Variants in CLIP2 observed in about 807,000 individuals in gnomAD.
CLIP2 encodes CAP-Gly domain containing linker protein 2.
A neutral mutation model predicts 111.7 loss-of-function variants in CLIP2; 41 were observed. That is an observed-to-expected ratio of 0.37 (90% CI 0.29 to 0.48). The LOEUF is 0.48. Ranked by LOEUF, CLIP2 falls within the 20% of genes least tolerant of loss-of-function variation. The pLI, the probability that CLIP2 is intolerant of heterozygous loss-of-function variation, is 0.99. For synonymous variants in CLIP2, 660 were observed against 644.2 expected, an observed-to-expected ratio of 1.02 and a Z score of -0.37; for missense variants, 1,160 against 1,422.1, an observed-to-expected ratio of 0.82 and a Z score of 2.96.
chr7:74,376,831 C>T lies in CLIP2; in HGVS notation c.2421+9C>T, dbSNP rs782059983. Reference sequence around the variant, plus strand: ...CCTCCCAGCACACCCACGTAGGCGCCTGCCCCTCCTGCTGGGGCGGGAGGG... The same window carrying T: ...CCTCCCAGCACACCCACGTAGGCGCTTGCCCCTCCTGCTGGGGCGGGAGGG... On this transcript the variant is annotated intron_variant, in intron 10 of 16. Coordinates refer to ENST00000223398, the MANE Select transcript of CLIP2 (RefSeq NM_003388.5). This position sits in a 1 kb window ranked among gnomAD's most constrained non-coding sequence, Gnocchi z 7.1. 4 of 1,559,278 alleles carry T rather than the reference C, an allele frequency of 2.6e-6. No individual in the cohort carries two copies. The African/African-American group carries it at 5.4e-5, about 21-fold the overall frequency.
chr7:74,365,256 A>AC (rs1439146738), intron 8 of CLIP2, among the ~76,000 whole-genome samples: 3 of 151,210 alleles, frequency 2.0e-5, no homozygotes, highest in East Asian at 3.9e-4. Flanking sequence ...AGGAACAGAG[A>AC]CCCCCCTGTG....
chr7:74,313,599 AGGCTCAGCTGGATCTAGGCCCTCCTCGG>A (rs1239369195), intron 1 of CLIP2, among the ~76,000 whole-genome samples: 3 of 150,036 alleles, frequency 2.0e-5, no homozygotes, highest in African/African-American at 4.9e-5. Flanking sequence ...GGCCAGCTTC[AGGCTCAGCTGGATCTAGGCCCTCCTCGG>A]GACTCAGCTG....
At chr7:74,330,127 CTA>C (rs1554731091) in intron 2 of CLIP2, among the ~76,000 whole-genome samples, 1 of 151,550 alleles carries the variant, frequency 6.6e-6, no homozygotes, top group Admixed American at 6.6e-5. Context: ...TGAGATCTCT[CTA>C]TGTTGCCCAG....
chr7:74,292,943 G>A (rs1197698856), intron 1 of CLIP2, among the ~76,000 whole-genome samples: 1 of 152,158 alleles, frequency 6.6e-6, no homozygotes, highest in Non-Finnish European at 1.5e-5. Context: ...CAGGTGCAAA[G>A]TCCAAACACG....
rs545533880 is a variant in CLIP2, at chr7:74,372,407, G to T, written c.1381-525G>T. ...TGCACTTTTAGCACAGGCCTTGGGGGGGGGGGGGAGTCGAGCGGGAATCCC... is the reference window on the plus strand; with the variant it reads ...TGCACTTTTAGCACAGGCCTTGGGGTGGGGGGGGAGTCGAGCGGGAATCCC... On this transcript the variant is annotated intron_variant, in intron 8 of 16. Transcript: ENST00000223398. Among the ~76,000 whole-genome samples the T allele has an allele frequency of 4.9e-4, 73 of 149,050 alleles. 6 individuals are homozygous for T. The highest frequency in any genetic ancestry group is 4.4e-3 in the East Asian group (22 of 5,038).
In CLIP2 at chr7:74,403,230, AAAGAG is replaced by A. The variant is rs1157050024; in HGVS notation, c.3130-605_3130-601del. Among the ~76,000 whole-genome samples, 61 of 151,108 alleles carry A rather than the reference AAAGAG, an allele frequency of 4.0e-4. No individual in the cohort carries two copies. In the East Asian group the frequency reaches 6.4e-3, roughly 16 times the overall value. ...AGACTGTCTCAAAAAAAAAAAAAAA[AAAGAG>A]AGAGAGATCCAGCCCCGTACAGGCA... On this transcript the variant is annotated intron_variant, in intron 16 of 16. Coordinates refer to ENST00000223398, the MANE Select transcript of CLIP2 (RefSeq NM_003388.5).
At chr7:74,369,744 C>A (rs1312939157) in intron 8 of CLIP2, among the ~76,000 whole-genome samples, 17 of 117,700 alleles carry the variant, frequency 1.4e-4, no homozygotes, top group African/African-American at 5.0e-4. Flanking sequence ...GTAATTCCAG[C>A]TACTCGGAAG....
chr7:74,313,327 AG>A (rs1238302814), intron 1 of CLIP2, among the ~76,000 whole-genome samples: 1 of 151,736 alleles, frequency 6.6e-6, no homozygotes, highest in Non-Finnish European at 1.5e-5. Context: ...TGGGAGGCCG[AG>A]GGGGGCAGAT....
chr7:74,373,236 G>A (rs532596031), intron 9 of CLIP2, among the ~76,000 whole-genome samples, 200 bp downstream of exon 9: 7 of 152,220 alleles, frequency 4.6e-5, no homozygotes, highest in South Asian at 2.1e-4. Context: ...GGTGGCTCAC[G>A]CCTGTAATCC....
intron 1 of CLIP2, among the ~76,000 whole-genome samples, chr7:74,307,138 C>T (rs191031131): frequency 6.6e-6 from 1 of 152,322 alleles, no homozygotes; most frequent in East Asian, 1.9e-4. Flanking sequence ...CCTCTGCACC[C>T]TTCTCCCCCT....
At chr7:74,364,992 GTTGTGTGTGTGTGTGTGT>G in intron 8 of CLIP2, 1 of 307,684 alleles carries the variant, frequency 3.3e-6, no homozygotes, top group Non-Finnish European at 6.4e-6. Context: ...CCTGTTTTTT[GTTGTGTGTGTGTGTGTGT>G]GTGTGTGTGT....
intron 3 of CLIP2, among the ~76,000 whole-genome samples, chr7:74,341,440 A>G (rs563598): frequency 0.61 from 93,051 of 151,710 alleles, 30,479 homozygotes; most frequent in Middle Eastern, 0.74. Context: ...CGGCCTCCCA[A>G]AGTGGTGGGA....
chr7:74,317,732 A>C (rs1584320715), intron 2 of CLIP2, 65 bp downstream of exon 2: 1 of 1,362,212 alleles, frequency 7.3e-7, no homozygotes, highest in East Asian at 2.7e-5. Context: ...TTCTTCTGGA[A>C]GAGCCCCAGG....
rs143395522 is a variant in CLIP2 at position 74,397,148 on chromosome 7, G to A, written c.2795G>A (p.Arg932His). 1.7e-5 allele frequency: 28 copies of A among 1,613,820 alleles called. No individual in the cohort carries two copies. Among genetic ancestry groups the A allele is most frequent in the South Asian group, 4.4e-5 (4 of 91,074 alleles). Reference sequence around the variant, plus strand: ...CCAGGGCCGGAGAGGGACCTGAGCCGTGAGGTACACAAGGCTGAGTGGCGG... The same window carrying A: ...CCAGGGCCGGAGAGGGACCTGAGCCATGAGGTACACAAGGCTGAGTGGCGG... The part of the protein sequence containing the change: ...HSPGPERDLS[R>H]EVHKAEWRIK... The change falls in exon 14 of 17, where the codon CGT becomes CAT. Residue 932 changes from arginine to histidine, a missense_variant. This residue lies in a region of CLIP2 where 676 missense variants were observed against 777.8 expected (regional missense o/e 0.87). Coordinates refer to ENST00000223398, the MANE Select transcript of CLIP2 (RefSeq NM_003388.5).
intron 11 of CLIP2, chr7:74,386,284 C>T (rs1303534398): frequency 1.1e-5 from 4 of 350,354 alleles, no homozygotes; most frequent in African/African-American, 6.7e-5. Flanking sequence ...AGGTGATCCG[C>T]CGGCCTCGGC....
chr7:74,337,383 G>C (rs376871298), intron 2 of CLIP2, among the ~76,000 whole-genome samples: 7 of 152,086 alleles, frequency 4.6e-5, no homozygotes, highest in African/African-American at 1.7e-4. Context: ...GTAGCCTTTT[G>C]TGGGCCCTGT....
intron 1 of CLIP2, among the ~76,000 whole-genome samples, chr7:74,310,430 G>A (rs1788612028): frequency 6.6e-6 from 1 of 152,088 alleles, no homozygotes; most frequent in Admixed American, 6.6e-5. Context: ...GCTGAGGTGG[G>A]AGGATCACTT....
intron 9 of CLIP2, 129 bp downstream of exon 9, chr7:74,373,165 T>C: frequency 1.6e-6 from 1 of 631,168 alleles, no homozygotes; most frequent in Middle Eastern, 2.7e-4. Context: ...TATTTTTTAT[T>C]TTTGCATCCC....
Position 74,399,996 on chromosome 7 carries a change from T to C in CLIP2, c.2881-374T>C, listed in dbSNP as rs527919385. 1.3e-4 allele frequency among the ~76,000 whole-genome samples: 19 copies of C among 150,594 alleles called. No individual in the cohort carries two copies. In the South Asian group the frequency reaches 4.0e-3, roughly 32 times the overall value. Reference sequence around the variant, plus strand: ...GGTGAAACCACGTCTCTACTAAAAATAGGAAAAAATTAGCGGGGCGTGGTG... The same window carrying C: ...GGTGAAACCACGTCTCTACTAAAAACAGGAAAAAATTAGCGGGGCGTGGTG... On this transcript the variant is annotated intron_variant, in intron 14 of 16. Coordinates refer to ENST00000223398, the MANE Select transcript of CLIP2 (RefSeq NM_003388.5).
Sources: allele counts gnomAD v4.1 joint callset (sites outside exome capture counted in the v4.1 genomes callset), GRCh38; gene constraint gnomAD v4.1.1; regional missense constraint gnomAD v4.1.1; non-coding constraint Gnocchi (gnomAD v3.1); transcripts MANE v1.5; gene names NCBI Gene and HGNC (gene_info 2026-07-23, HGNC 2026-07-21).